TRPM3: variants seen among roughly 807,000 people sequenced by gnomAD.
The protein encoded by TRPM3 is long transient receptor potential channel 3.
Under a neutral mutation model 181.2 loss-of-function variants are expected in TRPM3, and 77 were observed. That is an observed-to-expected ratio of 0.42 (90% confidence interval 0.35 to 0.51). TRPM3 has a LOEUF of 0.51. TRPM3 is among the 20% of genes least tolerant of loss of function. The pLI is 0.01. For missense variants in TRPM3, 1,759 were observed against 2,196.7 expected, an observed-to-expected ratio of 0.80 and a Z score of 3.98; for synonymous variants, 745 against 796.4, an observed-to-expected ratio of 0.94 and a Z score of 1.09.
At chr9:71,306,445 G>C (rs2087330294) in intron 1 of TRPM3, among the ~76,000 whole-genome samples, 1 of 151,984 alleles carries the variant, frequency 6.6e-6, no homozygotes. Flanking sequence ...ATAACTAATA[G>C]ACATATTCAA....
chr9:70,555,211 G>T (rs915863264), intron 22 of TRPM3, among the ~76,000 whole-genome samples: 5 of 152,292 alleles, frequency 3.3e-5, no homozygotes, highest in African/African-American at 1.2e-4. Context: ...TCACCTGGGT[G>T]CATCCTGCTC....
At chr9:70,955,238 C>T (rs1364036194) in intron 1 of TRPM3, among the ~76,000 whole-genome samples, 3 of 152,154 alleles carry the variant, frequency 2.0e-5, no homozygotes, top group Non-Finnish European at 2.9e-5. Flanking sequence ...CTGCCAATAG[C>T]AGACAAAAGT....
chr9:71,375,515 T>C (rs10869015), intron 1 of TRPM3, among the ~76,000 whole-genome samples: 33,509 of 151,856 alleles, frequency 0.22, 4,612 homozygotes, highest in East Asian at 0.44. Context: ...GAAGCGAAAA[T>C]TGACAAATAG....
intron 1 of TRPM3, among the ~76,000 whole-genome samples, chr9:70,987,195 C>T (rs926913149): frequency 1.3e-5 from 2 of 151,964 alleles, no homozygotes; most frequent in Non-Finnish European, 2.9e-5. Context: ...AACATAACAA[C>T]TGATGACAAC....
chr9:71,007,365 A>G lies in TRPM3; in HGVS notation c.177+113813T>C, dbSNP rs1418343815. 2.0e-5 allele frequency among the ~76,000 whole-genome samples: 3 copies of G among 152,174 alleles called. No homozygotes were observed. In the East Asian group the frequency reaches 5.8e-4, roughly 29 times the overall value. ...CTACATTTTAGACCAAATGTACCTA[A>G]CAGACATTTACAGTAAATTCCACTC... On this transcript the variant is annotated intron_variant, in intron 1 of 25. Transcript: ENST00000677713.
In TRPM3 at chr9:71,357,630, A is replaced by G. The variant is rs115842353; in HGVS notation, c.183+89023T>C. Among the ~76,000 whole-genome samples, 909 of 152,156 alleles carry G rather than the reference A, an allele frequency of 6.0e-3. 13 individuals carry two copies. Among genetic ancestry groups the G allele is most frequent in the African/African-American group, 0.021 (874 of 41,508 alleles). The stretch of plus-strand genomic sequence containing the variant: ...CTGTCTGTGGTCATGTGACACACCA[A>G]AATTAACTAGCCTTATTTGAAATAC... On this transcript the variant is annotated intron_variant, in intron 1 of 24. Coordinates refer to the TRPM3 transcript ENST00000357533.
At chr9:70,812,714 T>G (rs2092244701) in intron 6 of TRPM3, among the ~76,000 whole-genome samples, 1 of 152,154 alleles carries the variant, frequency 6.6e-6, no homozygotes, top group African/African-American at 2.4e-5. Context: ...CAACATTGGC[T>G]TAGCTATGTC....
chr9:70,805,810 C>T (rs1351637238), intron 6 of TRPM3, among the ~76,000 whole-genome samples: 1 of 152,072 alleles, frequency 6.6e-6, no homozygotes, highest in Non-Finnish European at 1.5e-5. Context: ...TCTACTTCTC[C>T]CCAAACTCTT....
intron 8 of TRPM3, among the ~76,000 whole-genome samples, chr9:70,701,131 G>A (rs987446721): frequency 1.3e-5 from 2 of 152,122 alleles, no homozygotes; most frequent in African/African-American, 4.8e-5. Context: ...ATCCATTAAT[G>A]CCAAATAAAA....
chr9:71,268,513 G>A (rs146942226), intron 1 of TRPM3, among the ~76,000 whole-genome samples: 115 of 152,222 alleles, frequency 7.6e-4, no homozygotes, highest in African/African-American at 2.7e-3. Context: ...GTCCTAGCAT[G>A]GGTTTGTGGC....
At chr9:71,402,917 A>G (rs928245251) in intron 1 of TRPM3, among the ~76,000 whole-genome samples, 1 of 152,150 alleles carries the variant, frequency 6.6e-6, no homozygotes, top group African/African-American at 2.4e-5. Flanking sequence ...CATTCACTCA[A>G]AAAACATTAA....
intron 1 of TRPM3, among the ~76,000 whole-genome samples, chr9:70,969,953 G>T (rs1463810250): frequency 6.6e-6 from 1 of 151,764 alleles, no homozygotes; most frequent in Non-Finnish European, 1.5e-5. Context: ...TATAGGTCTC[G>T]ACACTATACA....
chr9:70,975,618 A>G (rs1235786743), intron 1 of TRPM3, among the ~76,000 whole-genome samples: 6 of 152,150 alleles, frequency 3.9e-5, no homozygotes, highest in Admixed American at 3.3e-4. Context: ...ACCTCTATTA[A>G]CTCACCACTT....
At chr9:70,788,653 G>A (rs1441847679) in intron 6 of TRPM3, among the ~76,000 whole-genome samples, 1 of 152,008 alleles carries the variant, frequency 6.6e-6, no homozygotes, top group Non-Finnish European at 1.5e-5. Context: ...TTATTACATT[G>A]TAATATATAA....
At position 70,795,012 on chromosome 9, in the gene TRPM3, T is replaced by C. The variant is rs992228924; in HGVS notation, c.974-10733A>G. 7.2e-5 allele frequency among the ~76,000 whole-genome samples: 11 copies of C among 152,198 alleles called. No homozygotes were observed. In the East Asian group the frequency reaches 1.9e-3, roughly 27 times the overall value. The stretch of plus-strand genomic sequence containing the variant: ...TTCTTTGTCCTCATTCCCTAAACAA[T>C]AAAGCGTAACGACTATTGATGTAGC... On this transcript the variant is annotated intron_variant, in intron 6 of 25. Coordinates refer to ENST00000677713, the MANE Select transcript of TRPM3 (RefSeq NM_001366145.2).
At chr9:71,429,405 T>A (rs759568422) in intron 1 of TRPM3, among the ~76,000 whole-genome samples, 13 of 152,198 alleles carry the variant, frequency 8.5e-5, no homozygotes, top group Non-Finnish European at 1.3e-4. Flanking sequence ...TTAGTTCCCT[T>A]ATCTGTAAAA....
At chr9:71,198,012 G>A (rs1376614726) in intron 1 of TRPM3, among the ~76,000 whole-genome samples, 22 of 151,200 alleles carry the variant, frequency 1.5e-4, no homozygotes, top group African/African-American at 4.1e-4. Context: ...TAGGTCTAAC[G>A]TCTAAGTCTT....
At chr9:70,904,731 G>T (rs2096437872) in intron 1 of TRPM3, among the ~76,000 whole-genome samples, 1 of 152,222 alleles carries the variant, frequency 6.6e-6, no homozygotes, top group Admixed American at 6.5e-5. Flanking sequence ...TTTCAGAGGT[G>T]TTGAAGTTTT....
intron 6 of TRPM3, among the ~76,000 whole-genome samples, chr9:70,790,530 C>T (rs1393718203): frequency 1.3e-5 from 2 of 152,148 alleles, no homozygotes; most frequent in African/African-American, 2.4e-5. Flanking sequence ...AATTCATGTA[C>T]TTTGACATTA....
Sources: gnomAD v4.1 joint callset for allele counts (sites outside exome capture counted in the v4.1 genomes callset) on GRCh38, gnomAD v4.1.1 for gene constraint, MANE v1.5 for transcripts, NCBI Gene and HGNC (gene_info 2026-07-23, HGNC 2026-07-21) for gene names.